FHIT: variants seen among roughly 807,000 people sequenced by gnomAD.
The protein encoded by FHIT is bis(5'-adenosyl)-triphosphatase.
In FHIT, 19 loss-of-function variants were observed where a neutral mutation model predicts 17.9. That is an observed-to-expected ratio of 1.06 (90% CI 0.74 to 1.56). The LOEUF is 1.56. Among genes scored for constraint, FHIT ranks in the 40% most tolerant of loss-of-function variants. FHIT has a pLI of 0.00. For missense variants in FHIT, 248 were observed against 189.2 expected (o/e 1.31, Z -1.82); for synonymous variants, 81 against 69.7 (o/e 1.16, Z -0.81).
intron 5 of FHIT, among the ~76,000 whole-genome samples, chr3:60,263,450 C>G (rs962326247): frequency 6.6e-6 from 1 of 151,926 alleles, no homozygotes; most frequent in African/African-American, 2.4e-5. Context: ...TAAATGTCCA[C>G]TATCAGATGA....
At chr3:60,497,418 A>G (rs888243992) in intron 5 of FHIT, among the ~76,000 whole-genome samples, 3 of 152,334 alleles carry the variant, frequency 2.0e-5, no homozygotes, top group Middle Eastern at 3.4e-3. Context: ...TATCTCTTTA[A>G]TCAGTTCAAA....
chr3:59,780,510 C>T (rs1702533562), intron 8 of FHIT, among the ~76,000 whole-genome samples: 1 of 152,160 alleles, frequency 6.6e-6, no homozygotes, highest in Admixed American at 6.6e-5. Context: ...CCTGGAGTTC[C>T]AGGGTGGTAT....
At chr3:59,785,106 T>C (rs1319947191) in intron 8 of FHIT, among the ~76,000 whole-genome samples, 4 of 151,940 alleles carry the variant, frequency 2.6e-5, no homozygotes, top group Non-Finnish European at 5.9e-5. Context: ...GAACTCACTA[T>C]CACGAGGATG....
chr3:59,805,832 G>C (rs1025066083), intron 8 of FHIT, among the ~76,000 whole-genome samples: 2 of 152,030 alleles, frequency 1.3e-5, no homozygotes, highest in Non-Finnish European at 2.9e-5. Flanking sequence ...CATGATGCTG[G>C]GTATGCTACT....
At chr3:60,390,180 A>T (rs1701163981) in intron 5 of FHIT, among the ~76,000 whole-genome samples, 1 of 152,138 alleles carries the variant, frequency 6.6e-6, no homozygotes. Flanking sequence ...GTCAAATGAA[A>T]ATAATTTGTT....
intron 3 of FHIT, among the ~76,000 whole-genome samples, chr3:60,886,313 C>T (rs1460090174): frequency 2.6e-5 from 4 of 152,170 alleles, no homozygotes; most frequent in African/African-American, 7.2e-5. Flanking sequence ...CTTGGCAAGG[C>T]GCCTATGCTA....
intron 5 of FHIT, among the ~76,000 whole-genome samples, chr3:60,182,031 G>T (rs1243820920): frequency 3.9e-5 from 6 of 152,168 alleles, no homozygotes; most frequent in African/African-American, 1.2e-4. Context: ...TAAGAGGCAG[G>T]TTATGCAGAA....
chr3:60,196,442 A>G (rs1173596996), intron 5 of FHIT, among the ~76,000 whole-genome samples: 3 of 152,112 alleles, frequency 2.0e-5, no homozygotes, highest in African/African-American at 7.2e-5. Flanking sequence ...TTTCATTTAT[A>G]AGGACCCTTG....
At chr3:59,809,854 C>G (rs1700346517) in intron 8 of FHIT, among the ~76,000 whole-genome samples, 1 of 152,172 alleles carries the variant, frequency 6.6e-6, no homozygotes, top group African/African-American at 2.4e-5. Flanking sequence ...GTTCCCCGCT[C>G]TCCTTTTCCA....
chr3:60,285,448 C>A (rs726692), intron 5 of FHIT, among the ~76,000 whole-genome samples: 3 of 151,932 alleles, frequency 2.0e-5, no homozygotes, highest in Non-Finnish European at 4.4e-5. Context: ...GAATAATGAA[C>A]GGCAGACTTA....
intron 3 of FHIT, among the ~76,000 whole-genome samples, chr3:60,839,768 G>A (rs1166830247): frequency 2.0e-5 from 3 of 152,068 alleles, no homozygotes; most frequent in African/African-American, 7.2e-5. Flanking sequence ...GAAGCATCTA[G>A]AGTTGGCTCT....
intron 5 of FHIT, among the ~76,000 whole-genome samples, chr3:60,408,409 A>G (rs182821286): frequency 6.6e-6 from 1 of 152,248 alleles, no homozygotes; most frequent in African/African-American, 2.4e-5. Context: ...CGTCCACAAC[A>G]TTAACATGAT....
intron 7 of FHIT, among the ~76,000 whole-genome samples, chr3:59,949,529 T>C (rs1413357409): frequency 6.6e-6 from 1 of 152,222 alleles, no homozygotes; most frequent in African/African-American, 2.4e-5. Context: ...AGGCTTGGGA[T>C]AGATATGTAT....
intron 1 of FHIT, among the ~76,000 whole-genome samples, chr3:61,247,104 T>G (rs963002581): frequency 2.7e-5 from 4 of 148,212 alleles, no homozygotes; most frequent in African/African-American, 9.8e-5. Context: ...CCCCATTTAC[T>G]GCTCTCACCA....
intron 5 of FHIT, among the ~76,000 whole-genome samples, chr3:60,426,009 T>A (rs1216109050): frequency 6.6e-6 from 1 of 152,078 alleles, no homozygotes; most frequent in Non-Finnish European, 1.5e-5. Flanking sequence ...ACAAGGGGTG[T>A]CACAAGGCCT....
chr3:60,390,165 A>C (rs1163486745), intron 5 of FHIT, among the ~76,000 whole-genome samples: 3 of 152,148 alleles, frequency 2.0e-5, no homozygotes, highest in Non-Finnish European at 2.9e-5. Context: ...ACTTGTTTTA[A>C]ATTTGTCAAA....
intron 5 of FHIT, among the ~76,000 whole-genome samples, chr3:60,311,778 A>T (rs1708959092): frequency 6.6e-6 from 1 of 152,222 alleles, no homozygotes; most frequent in Non-Finnish European, 1.5e-5. Context: ...GACACATACA[A>T]CAACCAATAA....
At chr3:61,046,122 C>G (rs7625573) in intron 2 of FHIT, among the ~76,000 whole-genome samples, 3,758 of 152,026 alleles carry the variant, frequency 0.025, 113 homozygotes, top group Admixed American at 0.081. Context: ...CAACAGAAGG[C>G]AAGAAATGAC....
intron 5 of FHIT, among the ~76,000 whole-genome samples, chr3:60,115,178 G>A (rs560368000): frequency 5.3e-5 from 8 of 151,740 alleles, no homozygotes; most frequent in African/African-American, 2.4e-5. Flanking sequence ...GAAACATAAC[G>A]CCCCAGAAAA....
Sources: allele counts gnomAD v4.1 joint callset (sites outside exome capture counted in the v4.1 genomes callset), GRCh38; gene constraint gnomAD v4.1.1; transcripts MANE v1.5; gene names NCBI Gene and HGNC (gene_info 2026-07-23, HGNC 2026-07-21).